The following OLA1 variants were observed in gnomAD, a reference collection of about 807,000 sequenced individuals.
OLA1 encodes Obg like ATPase 1.
Under a neutral mutation model 48.4 loss-of-function variants are expected in OLA1, and 14 were observed. The ratio of observed to expected loss-of-function variants is 0.29; its 90% CI spans 0.19 to 0.45. OLA1 has a LOEUF of 0.45. OLA1 is among the 20% of genes least tolerant of loss of function. The probability of loss-of-function intolerance (pLI) is 1.00; values close to 1 mark genes in which losing one functional copy is unlikely to be tolerated. For missense variants in OLA1, 325 were observed against 467.1 expected (o/e 0.70, Z 2.80); for synonymous variants, 127 against 150.4 (o/e 0.84, Z 1.14).
In OLA1 at chr2:174,203,799, ATT is replaced by A. The variant is rs35167847; in HGVS notation, c.373+19232_373+19233del. 5.6e-5 allele frequency among the ~76,000 whole-genome samples: 8 copies of A among 142,934 alleles called. No individual in the cohort carries two copies. The South Asian group carries it at 6.7e-4, about 12-fold the overall frequency. The allele number at this position is 142,934 out of a possible 152,430, so 93.8% of individuals were successfully genotyped here. On this transcript the variant is annotated intron_variant, in intron 4 of 10. Coordinates refer to ENST00000284719, the MANE Select transcript of OLA1 (RefSeq NM_013341.5). ...TTTACAGTTGGTTAAACGGAGTAGG[ATT>A]TTTTTTTTTTTTTGACAGAGTCTCA... is the stretch of plus-strand genomic sequence containing the variant.
chr2:174,201,319 C>T (rs1158775959), intron 4 of OLA1, among the ~76,000 whole-genome samples: 1 of 152,226 alleles, frequency 6.6e-6, no homozygotes, highest in Non-Finnish European at 1.5e-5. Flanking sequence ...CATTTACTAA[C>T]TTAAGCAAGT....
intron 10 of OLA1, among the ~76,000 whole-genome samples, chr2:174,077,799 C>T (rs939321729): frequency 1.4e-4 from 22 of 151,858 alleles, no homozygotes; most frequent in African/African-American, 5.1e-4. Context: ...TAGAAAACAT[C>T]CTCATTTTTA....
intron 7 of OLA1, among the ~76,000 whole-genome samples, chr2:174,082,714 T>C (rs1240381422): frequency 6.6e-6 from 1 of 152,066 alleles, no homozygotes; most frequent in African/African-American, 2.4e-5. Context: ...AGGAAAGAAA[T>C]TCCTTTAATC....
intron 7 of OLA1, among the ~76,000 whole-genome samples, chr2:174,093,817 G>A (rs1685182708): frequency 6.6e-6 from 1 of 152,222 alleles, no homozygotes; most frequent in Admixed American, 6.5e-5. Flanking sequence ...ATCTGGCCAT[G>A]AGGCCGCAGG....
At chr2:174,088,872 T>C (rs925312312) in intron 7 of OLA1, among the ~76,000 whole-genome samples, 1 of 129,938 alleles carries the variant, frequency 7.7e-6, no homozygotes, top group African/African-American at 3.2e-5. Flanking sequence ...TGAAATCCTG[T>C]CTCAAAAATA....
At position 174,072,985 on chromosome 2, in the gene OLA1, TTC is replaced by T. The variant is rs1307047182; in HGVS notation, c.*2439_*2440del. 4 of 152,290 alleles carry T rather than the reference TTC, an allele frequency of 2.6e-5. No homozygotes were observed. 9.4% of individuals were successfully genotyped at this position (152,290 alleles called of 1,614,324 possible). On this transcript the variant is annotated 3_prime_UTR_variant, in exon 11 of 11. Coordinates refer to ENST00000284719, the MANE Select transcript of OLA1 (RefSeq NM_013341.5). Reference sequence around the variant, plus strand: ...GCTTTGGGCACAAGCCTTCTCAAGTTTCTCTTTCTCTTTGGAGACAGGGTCTC... The same window carrying T: ...GCTTTGGGCACAAGCCTTCTCAAGTTTCTTTCTCTTTGGAGACAGGGTCTC...
At chr2:174,233,964 TG>T (rs1264151034) in intron 2 of OLA1, among the ~76,000 whole-genome samples, 1 of 152,186 alleles carries the variant, frequency 6.6e-6, no homozygotes, top group African/African-American at 2.4e-5. Flanking sequence ...TGAACAACAC[TG>T]GTTTGAAATG....
At chr2:174,201,837 C>T (rs1246563882) in intron 4 of OLA1, among the ~76,000 whole-genome samples, 1 of 152,144 alleles carries the variant, frequency 6.6e-6, no homozygotes, top group African/African-American at 2.4e-5. Flanking sequence ...TAAAACAGCT[C>T]CTTTTACCAA....
At chr2:174,191,947 T>A (rs769364768) in intron 4 of OLA1, among the ~76,000 whole-genome samples, 4 of 152,258 alleles carry the variant, frequency 2.6e-5, no homozygotes, top group South Asian at 4.1e-4. Context: ...AGTTTGCCAA[T>A]CCCTGATTTA....
intron 7 of OLA1, among the ~76,000 whole-genome samples, chr2:174,110,302 A>ATTTTTTTTTTTTTTT (rs575026912): frequency 3.4e-4 from 39 of 113,862 alleles, no homozygotes; most frequent in African/African-American, 5.4e-4. Flanking sequence ...CCATGCTTGG[A>ATTTTTTTTTTTTTTT]TTTTTTTTTT....
chr2:174,224,417 A>T (rs1194626942), intron 3 of OLA1, among the ~76,000 whole-genome samples: 1 of 152,166 alleles, frequency 6.6e-6, no homozygotes, highest in Non-Finnish European at 1.5e-5. Flanking sequence ...AAGCAGTTTA[A>T]TCGCATTCCT....
chr2:174,181,992 G>T (rs545818346), intron 4 of OLA1, among the ~76,000 whole-genome samples: 1 of 152,164 alleles, frequency 6.6e-6, no homozygotes, highest in Non-Finnish European at 1.5e-5. Flanking sequence ...ATCCTTGAGT[G>T]AATAAATTGT....
intron 7 of OLA1, among the ~76,000 whole-genome samples, chr2:174,113,664 T>C (rs1685709439): frequency 6.6e-6 from 1 of 152,166 alleles, no homozygotes; most frequent in South Asian, 2.1e-4. Context: ...AACTAAACAA[T>C]TGGATGGAGA....
intron 7 of OLA1, among the ~76,000 whole-genome samples, chr2:174,086,477 T>C (rs1684981336): frequency 6.6e-6 from 1 of 152,166 alleles, no homozygotes; most frequent in Non-Finnish European, 1.5e-5. Flanking sequence ...ACCCTATATA[T>C]ACTATGTTTT....
chr2:174,195,640 T>A (rs1054359368), intron 4 of OLA1, among the ~76,000 whole-genome samples: 2 of 152,218 alleles, frequency 1.3e-5, no homozygotes, highest in African/African-American at 4.8e-5. Flanking sequence ...TAAGTAGTTT[T>A]CCTGCTTTTA....
At position 174,162,414 on chromosome 2, in the gene OLA1, C is replaced by G. The variant is rs555731099; in HGVS notation, c.374-20414G>C. Among the ~76,000 whole-genome samples, 40 of 152,326 alleles carry G rather than the reference C, an allele frequency of 2.6e-4. 1 individual carries two copies. Among genetic ancestry groups the G allele is most frequent in the Admixed American group, 2.5e-3 (39 of 15,298 alleles). On this transcript the variant is annotated intron_variant, in intron 4 of 10. Coordinates refer to ENST00000284719, the MANE Select transcript of OLA1 (RefSeq NM_013341.5). ...CCAAATATGTGGTCCTATGGAATAACAGCAATACTCATGGACCTTAAGTCC... is the reference window on the plus strand; with the variant it reads ...CCAAATATGTGGTCCTATGGAATAAGAGCAATACTCATGGACCTTAAGTCC...
intron 5 of OLA1, among the ~76,000 whole-genome samples, chr2:174,137,719 G>A (rs1038563506): frequency 2.0e-5 from 3 of 152,228 alleles, no homozygotes; most frequent in African/African-American, 7.2e-5. Flanking sequence ...AACAACCTCT[G>A]TAAGCTTCCA....
chr2:174,229,348 C>G lies in OLA1; in HGVS notation c.205G>C (p.Glu69Gln), dbSNP rs1325994764. The G allele has an allele frequency of 6.2e-7, 1 of 1,612,556 alleles. No homozygotes were observed. Among genetic ancestry groups the G allele is most frequent in the East Asian group, 2.2e-5 (1 of 44,874 alleles). ...TATTGACAAAGAAAGTCAAACCTTT[C>G]ATCTGGCACAGGTACTCTGCTCTCA... ...PNESRVPVPD[E>Q]RFDFLCQYHK... Residue 69 changes from glutamate to glutamine, a missense_variant, in exon 3 of 11, where the codon GAA becomes CAA. Coordinates refer to ENST00000284719, the MANE Select transcript of OLA1 (RefSeq NM_013341.5).
chr2:174,218,438 A>T (rs1328284342), intron 4 of OLA1, among the ~76,000 whole-genome samples: 2 of 152,188 alleles, frequency 1.3e-5, no homozygotes, highest in African/African-American at 4.8e-5. Context: ...GACAGTTGTT[A>T]TGTTTATTAA....
Sources: gnomAD v4.1 joint callset for allele counts (sites outside exome capture counted in the v4.1 genomes callset) on GRCh38, gnomAD v4.1.1 for gene constraint, MANE v1.5 for transcripts, NCBI Gene and HGNC (gene_info 2026-07-23, HGNC 2026-07-21) for gene names.